The following GPHN variants were observed in gnomAD, a reference collection of about 807,000 sequenced individuals.
GPHN encodes gephyrin.
In GPHN, 17 loss-of-function variants were observed where a neutral mutation model predicts 95.5. The ratio of observed to expected loss-of-function variants is 0.18; its 90% CI spans 0.12 to 0.27. The LOEUF is 0.27. Ranked by LOEUF, GPHN falls within the 10% of genes least tolerant of loss-of-function variation. The pLI, the probability that GPHN is intolerant of heterozygous loss-of-function variation, is 1.00. For missense variants in GPHN, 660 were observed against 978.1 expected, an observed-to-expected ratio of 0.67 and a Z score of 4.34; for synonymous variants, 320 against 322.5, an observed-to-expected ratio of 0.99 and a Z score of 0.08.
At chr14:67,667,527 C>A in the GPHN span, among the ~76,000 whole-genome samples, 1 of 152,202 alleles carries the variant, frequency 6.6e-6, no homozygotes, top group African/African-American at 2.4e-5. Flanking sequence ...AGAAATAATA[C>A]ACATAACATT....
chr14:67,395,588 G>A, the GPHN span: 1 of 1,613,736 alleles, frequency 6.2e-7, no homozygotes, highest in African/African-American at 1.3e-5. Flanking sequence ...GAGGAGCTGT[G>A]GGAAGAGAGA....
At chr14:66,512,214 A>G (rs1046937012) in intron 1 of GPHN, among the ~76,000 whole-genome samples, 1 of 151,872 alleles carries the variant, frequency 6.6e-6, no homozygotes, top group Non-Finnish European at 1.5e-5. Context: ...CAATCTTACC[A>G]GTTACATAGC....
rs149417170 is a variant in GPHN, at chr14:67,126,641, G to A, written c.1748+4264G>A. ...GGAGAAATAGGAACACTTTTACACT[G>A]TTGGTGGGACTGTAAACTAGTTCAA... On this transcript the variant is annotated intron_variant, in intron 17 of 22. Coordinates refer to ENST00000478722, the MANE Select transcript of GPHN (RefSeq NM_020806.5). Among the ~76,000 whole-genome samples the A allele has an allele frequency of 7.1e-3, 1,077 of 152,292 alleles. 5 individuals carry two copies. The highest frequency in any genetic ancestry group is 0.025 in the African/African-American group (1,029 of 41,558).
chr14:67,537,346 A>AAGTAATAATAAT, the GPHN span, among the ~76,000 whole-genome samples: 1 of 126,602 alleles, frequency 7.9e-6, no homozygotes. Flanking sequence ...TCCATCTCAA[A>AAGTAATAATAAT]AATAATAATA....
chr14:67,282,593 T>C, the GPHN span, among the ~76,000 whole-genome samples: 1 of 152,156 alleles, frequency 6.6e-6, no homozygotes, highest in African/African-American at 2.4e-5. Context: ...AAGGATGAAC[T>C]GAATTTTCTT....
At chr14:67,583,715 G>C in the GPHN span, 21 of 1,593,938 alleles carry the variant, frequency 1.3e-5, no homozygotes, top group Non-Finnish European at 1.8e-5. Context: ...GATTTTGACT[G>C]GTCTCTTCAT....
the GPHN span, chr14:67,616,515 T>A: frequency 6.4e-6 from 1 of 155,812 alleles, no homozygotes. Flanking sequence ...TTGTTGACAT[T>A]CTGAATGCTT....
the GPHN span, among the ~76,000 whole-genome samples, chr14:67,598,378 GC>G: frequency 6.6e-6 from 1 of 152,118 alleles, no homozygotes; most frequent in Non-Finnish European, 1.5e-5. Flanking sequence ...CCTAAGATCA[GC>G]TATACAATGG....
intron 1 of GPHN, among the ~76,000 whole-genome samples, chr14:66,584,114 T>C (rs1204300288): frequency 6.6e-6 from 1 of 152,142 alleles, no homozygotes. Context: ...CCCTTGTAAG[T>C]TGGATTCCTA....
At chr14:66,697,481 C>T (rs2068178494) in intron 2 of GPHN, among the ~76,000 whole-genome samples, 1 of 152,098 alleles carries the variant, frequency 6.6e-6, no homozygotes. Context: ...AATGTAGACT[C>T]AACAGTATTG....
the GPHN span, among the ~76,000 whole-genome samples, chr14:67,479,803 T>G: frequency 6.6e-6 from 1 of 152,246 alleles, no homozygotes; most frequent in Non-Finnish European, 1.5e-5. Flanking sequence ...ATGAATTTGC[T>G]AAGCAAATGA....
intron 4 of GPHN, among the ~76,000 whole-genome samples, chr14:66,834,655 G>T (rs1290832328): frequency 6.6e-6 from 1 of 151,750 alleles, no homozygotes; most frequent in African/African-American, 2.4e-5. Flanking sequence ...GATTCGGTTT[G>T]CCAGTATTTT....
At chr14:67,562,234 C>T in the GPHN span, 1 of 1,612,390 alleles carries the variant, frequency 6.2e-7, no homozygotes, top group Non-Finnish European at 8.5e-7. Context: ...AGCCTATGGG[C>T]CAGGACAGTG....
chr14:66,635,954 C>T (rs564828828), intron 1 of GPHN, among the ~76,000 whole-genome samples: 34 of 151,438 alleles, frequency 2.2e-4, no homozygotes, highest in Non-Finnish European at 4.1e-4. Context: ...CTGGCTAACA[C>T]GGTGAAACTC....
the GPHN span, among the ~76,000 whole-genome samples, chr14:67,258,752 A>T: frequency 6.6e-6 from 1 of 151,846 alleles, no homozygotes; most frequent in Admixed American, 6.6e-5. Flanking sequence ...TTAACTCCTT[A>T]ATAACAAAGT....
the GPHN span, chr14:67,278,915 C>T: frequency 3.1e-5 from 8 of 261,736 alleles, no homozygotes; most frequent in Non-Finnish European, 5.7e-5. Flanking sequence ...ATATTACATA[C>T]TTATTATTTT....
At chr14:67,195,267 G>A in the GPHN span, among the ~76,000 whole-genome samples, 2 of 152,144 alleles carry the variant, frequency 1.3e-5, no homozygotes, top group Admixed American at 6.5e-5. Context: ...AGACCCAGTC[G>A]TGGCTGCAAA....
At chr14:67,166,379 G>A (rs912702455) in intron 20 of GPHN, among the ~76,000 whole-genome samples, 3 of 152,214 alleles carry the variant, frequency 2.0e-5, no homozygotes, top group South Asian at 2.1e-4. Flanking sequence ...TTTTGTCTAC[G>A]GAAGATATGA....
chr14:66,631,483 T>C (rs988876263), intron 1 of GPHN, among the ~76,000 whole-genome samples: 1 of 152,240 alleles, frequency 6.6e-6, no homozygotes, highest in Admixed American at 6.5e-5. Flanking sequence ...TTTGCAAATA[T>C]TACTTTTAGA....
Sources: allele counts gnomAD v4.1 joint callset (sites outside exome capture counted in the v4.1 genomes callset), GRCh38; gene constraint gnomAD v4.1.1; transcripts MANE v1.5; gene names NCBI Gene and HGNC (gene_info 2026-07-23, HGNC 2026-07-21).